The following SCN7A variants were observed in gnomAD, a reference collection of about 807,000 sequenced individuals.
SCN7A encodes the protein sodium voltage-gated channel alpha subunit 7.
Under a neutral mutation model 155.2 loss-of-function variants are expected in SCN7A, and 138 were observed. The ratio of observed to expected loss-of-function variants is 0.89; its 90% CI spans 0.77 to 1.02. SCN7A has a LOEUF of 1.02. Ranked by LOEUF, SCN7A falls within the 50% of genes least tolerant of loss-of-function variation. SCN7A has a pLI of 0.00. For missense variants in SCN7A, 2,058 were observed against 1,986.6 expected (o/e 1.04, Z -0.68); for synonymous variants, 693 against 649.0 (o/e 1.07, Z -1.03).
At chr2:166,449,389 G>C (rs1702131648) in intron 11 of SCN7A, among the ~76,000 whole-genome samples, 1 of 152,042 alleles carries the variant, frequency 6.6e-6, no homozygotes, top group Non-Finnish European at 1.5e-5. Context: ...TAATGGTTGA[G>C]GCTTGCCAAT....
In SCN7A at chr2:166,406,117, C is replaced by T; in HGVS notation, c.4512G>A (p.Lys1504=). The change falls in exon 26 of 26, where the codon AAG becomes AAA. Residue 1504 remains lysine (K), a synonymous_variant. Coordinates refer to ENST00000643258, the MANE Select transcript of SCN7A (RefSeq NM_002976.4). Reference sequence around the variant, plus strand: ...CTTCACTCAAGGTCTTGTTTTTCTTCTTAGAAGCAATATTTAAAAACTCCA... The same window carrying T: ...CTTCACTCAAGGTCTTGTTTTTCTTTTTAGAAGCAATATTTAAAAACTCCA... The part of the protein sequence containing the change: ...VVMEFLNIAS[K]KKNKTLSEDD... The T allele has an allele frequency of 6.2e-7, 1 of 1,611,560 alleles. No individual in the cohort carries two copies. Among genetic ancestry groups the T allele is most frequent in the South Asian group, 1.1e-5 (1 of 90,954 alleles).
intron 3 of SCN7A, among the ~76,000 whole-genome samples, chr2:166,475,137 T>TATATATATATACATATATATATATAC (rs1553520569): frequency 3.0e-4 from 40 of 133,850 alleles, no homozygotes; most frequent in Non-Finnish European, 5.1e-4. Flanking sequence ...TATATATATA[T>TATATATATATACATATATATATATAC]ACACACACAC....
At chr2:166,431,580 CCTT>C (rs1162465035) in intron 16 of SCN7A, among the ~76,000 whole-genome samples, 1 of 152,020 alleles carries the variant, frequency 6.6e-6, no homozygotes, top group Non-Finnish European at 1.5e-5. Flanking sequence ...AGTTACACCT[CCTT>C]CTAAAACACA....
At chr2:166,412,937 T>C (rs2105368170) in intron 22 of SCN7A, 131 bp downstream of exon 22, 1 of 867,388 alleles carries the variant, frequency 1.2e-6, no homozygotes, top group Admixed American at 3.2e-5. Flanking sequence ...TGGAAGAATT[T>C]CATTGCCAAT....
In SCN7A at chr2:166,486,906, T is replaced by C. The variant is rs1703065057; in HGVS notation, c.-65A>G. 6.6e-6 allele frequency: 1 copy of C among 152,216 alleles called. No individual in the cohort carries two copies. Among genetic ancestry groups the C allele is most frequent in the Non-Finnish European group, 1.5e-5 (1 of 68,054 alleles). The allele number at this position is 152,216 out of a possible 1,614,324, so 9.4% of individuals were successfully genotyped here. On this transcript the variant is annotated 5_prime_UTR_variant, in exon 2 of 26. Coordinates refer to ENST00000643258, the MANE Select transcript of SCN7A (RefSeq NM_002976.4). ...AAGATCCACACTCTTTTCATATCTT[T>C]GGGCACTAGTTTTCCCTCAGCTCTA... is the stretch of plus-strand genomic sequence containing the variant.
chr2:166,453,002 G>A (rs1460515656), intron 11 of SCN7A, among the ~76,000 whole-genome samples: 1 of 152,130 alleles, frequency 6.6e-6, no homozygotes, highest in Admixed American at 6.6e-5. Context: ...TGTTGAAACA[G>A]CCATGCGTTC....
Position 166,406,105 on chromosome 2 carries a change from CTTGT to C in SCN7A, c.4520_4523del (p.Asn1507ArgfsTer3). 1 of 1,611,968 alleles carries C rather than the reference CTTGT, an allele frequency of 6.2e-7. No individual in the cohort carries two copies. Among genetic ancestry groups the C allele is most frequent in the Non-Finnish European group, 8.5e-7 (1 of 1,178,852 alleles). On this transcript the variant is annotated frameshift_variant, in exon 26 of 26. Transcript: ENST00000643258. LOFTEE classifies it high-confidence loss of function. ...TCCTAAAATCATCTTCACTCAAGGTCTTGTTTTTCTTCTTAGAAGCAATATTTAA... is the reference window on the plus strand; with the variant it reads ...TCCTAAAATCATCTTCACTCAAGGTCTTTTCTTCTTAGAAGCAATATTTAA...
intron 12 of SCN7A, among the ~76,000 whole-genome samples, chr2:166,446,778 C>A (rs1702072584): frequency 6.6e-6 from 1 of 152,088 alleles, no homozygotes; most frequent in African/African-American, 2.4e-5. Flanking sequence ...GAACAGGAAC[C>A]AAACACCGCA....
chr2:166,469,024 G>A (rs1276621895), intron 7 of SCN7A, among the ~76,000 whole-genome samples: 1 of 150,262 alleles, frequency 6.7e-6, no homozygotes, highest in Non-Finnish European at 1.5e-5. Context: ...TCTAGTATAA[G>A]CTGATCTCTT....
intron 16 of SCN7A, among the ~76,000 whole-genome samples, chr2:166,431,723 G>T (rs1356092939): frequency 6.6e-6 from 1 of 152,014 alleles, no homozygotes; most frequent in Non-Finnish European, 1.5e-5. Context: ...GCGTTATAAA[G>T]CTACCAACTG....
chr2:166,416,326 G>A (rs1241097844), intron 21 of SCN7A, among the ~76,000 whole-genome samples: 1 of 152,076 alleles, frequency 6.6e-6, no homozygotes, highest in African/African-American at 2.4e-5. Context: ...GCCCCTTGAA[G>A]CATGTGACCT....
At chr2:166,476,625 G>A (rs1169387642) in intron 3 of SCN7A, among the ~76,000 whole-genome samples, 1 of 151,756 alleles carries the variant, frequency 6.6e-6, no homozygotes, top group Non-Finnish European at 1.5e-5. Flanking sequence ...AAATCTGCTG[G>A]GTTAATGCTA....
chr2:166,414,299 T>C lies in SCN7A; in HGVS notation c.3415-1178A>G, dbSNP rs1559088919. 6.6e-4 allele frequency among the ~76,000 whole-genome samples: 62 copies of C among 93,494 alleles called. 2 individuals are homozygous for C. Among genetic ancestry groups the C allele is most frequent in the African/African-American group, 3.2e-3 (61 of 19,192 alleles). The allele number at this position is 93,494 out of a possible 152,430, so 61.3% of individuals were successfully genotyped here. ...ATATATATATATACACACACATATA[T>C]ATATATATATATACACATATATATA... On this transcript the variant is annotated intron_variant, in intron 21 of 25. Coordinates refer to ENST00000643258, the MANE Select transcript of SCN7A (RefSeq NM_002976.4).
chr2:166,440,128 T>C (rs1701927616), intron 15 of SCN7A, among the ~76,000 whole-genome samples: 1 of 152,218 alleles, frequency 6.6e-6, no homozygotes, highest in Non-Finnish European at 1.5e-5. Context: ...TCTTAGTTAA[T>C]GCATAACATT....
intron 11 of SCN7A, among the ~76,000 whole-genome samples, chr2:166,450,568 G>A (rs961194170): frequency 3.3e-5 from 5 of 152,162 alleles, no homozygotes; most frequent in East Asian, 1.9e-4. Flanking sequence ...TTGGGAGGCC[G>A]AGGCGAGCAG....
At chr2:166,425,400 T>C (rs758107771) in intron 18 of SCN7A, among the ~76,000 whole-genome samples, 3 of 152,106 alleles carry the variant, frequency 2.0e-5, no homozygotes, top group Non-Finnish European at 2.9e-5. Flanking sequence ...GCTTTCCTGG[T>C]AGTGTATCTA....
At chr2:166,431,642 T>C (rs1487820109) in intron 16 of SCN7A, among the ~76,000 whole-genome samples, 1 of 152,048 alleles carries the variant, frequency 6.6e-6, no homozygotes, top group Non-Finnish European at 1.5e-5. Flanking sequence ...AGGGTGTATA[T>C]TTTAGAAGCT....
At position 166,404,065 on chromosome 2, in the gene SCN7A, C is replaced by T. The variant is rs1444302633; in HGVS notation, c.*1515G>A. The T allele has an allele frequency of 6.6e-6, 1 of 151,830 alleles. No individual in the cohort carries two copies. The highest frequency in any genetic ancestry group is 1.5e-5 in the Non-Finnish European group (1 of 67,900). The allele number at this position is 151,830 out of a possible 1,614,324, so 9.4% of individuals were successfully genotyped here. On this transcript the variant is annotated 3_prime_UTR_variant, in exon 26 of 26. Transcript: ENST00000643258. Reference sequence around the variant, plus strand: ...ATAGTAGTTAAGGCTTGAGATCATGCATTCAGAATAAAATACAATCACTGA... The same window carrying T: ...ATAGTAGTTAAGGCTTGAGATCATGTATTCAGAATAAAATACAATCACTGA...
At chr2:166,413,981 G>GTGTGTA (rs1553513525) in intron 21 of SCN7A, among the ~76,000 whole-genome samples, 2 of 53,526 alleles carry the variant, frequency 3.7e-5, no homozygotes, top group East Asian at 8.4e-4. Flanking sequence ...ATGTGTATGT[G>GTGTGTA]TATATATATA....
Sources: allele counts gnomAD v4.1 joint callset (sites outside exome capture counted in the v4.1 genomes callset), GRCh38; gene constraint gnomAD v4.1.1; transcripts MANE v1.5; gene names NCBI Gene and HGNC (gene_info 2026-07-23, HGNC 2026-07-21).